SLC24A1: variants seen among roughly 807,000 people sequenced by gnomAD.
SLC24A1 encodes the protein sodium/potassium/calcium exchanger 1.
Under a neutral mutation model 88.1 loss-of-function variants are expected in SLC24A1, and 52 were observed. That is an observed-to-expected ratio of 0.59 (90% CI 0.47 to 0.74). The LOEUF (loss-of-function observed/expected upper bound fraction) is 0.74, where lower values mean the gene tolerates loss of function less well. SLC24A1 is among the 30% of genes least tolerant of loss of function. The probability of loss-of-function intolerance (pLI) is 0.00; values close to 1 mark genes in which losing one functional copy is unlikely to be tolerated. For missense variants in SLC24A1, 1,173 were observed against 1,363.3 expected (o/e 0.86, Z 2.20); for synonymous variants, 455 against 498.0 (o/e 0.91, Z 1.15).
At chr15:65,640,921 C>T (rs564234283) in intron 4 of SLC24A1, among the ~76,000 whole-genome samples, 42 of 152,094 alleles carry the variant, frequency 2.8e-4, no homozygotes, top group Non-Finnish European at 5.3e-4. Context: ...ATTAGCCAGG[C>T]GTGGTGGCAG....
In SLC24A1 at chr15:65,625,281, C is replaced by T. The variant is rs1425125323; in HGVS notation, c.1201C>T (p.Pro401Ser). The T allele has an allele frequency of 6.2e-7, 1 of 1,613,986 alleles. No homozygotes were observed. Residue 401 changes from proline (P) to serine (S), a missense_variant, in exon 2 of 10, where the codon CCA becomes TCA. Coordinates refer to ENST00000261892, the MANE Select transcript of SLC24A1 (RefSeq NM_004727.3). ...TCACTGTGTGGTTGTGAAGCCAACC[C>T]CAGCCATGCTCACCACTCCCTCCCC... ...VHHCVVVKPT[P>S]AMLTTPSPSL...
Position 65,652,704 on chromosome 15 carries a change from A to G in SLC24A1, c.2946A>G (p.Thr982=). The change falls in exon 9 of 10, where the codon ACA becomes ACG. Residue 982 remains threonine, a synonymous_variant. Coordinates refer to ENST00000261892, the MANE Select transcript of SLC24A1 (RefSeq NM_004727.3). ...IMGLTILAAG[T]SIPDLITSVI... is the part of the protein sequence containing the mutation. ...GCCTGACAATCCTTGCAGCAGGCAC[A>G]TCAATTCCTGACCTCATCACCAGTG... 6.2e-7 allele frequency: 1 copy of G among 1,614,000 alleles called. No individual in the cohort carries two copies.
Position 65,624,540 on chromosome 15 carries a change from TA to T in SLC24A1, c.461del (p.Tyr154SerfsTer9). 1 of 1,601,656 alleles carries T rather than the reference TA, an allele frequency of 6.2e-7. No individual in the cohort carries two copies. The highest frequency in any genetic ancestry group is 1.1e-5 in the South Asian group (1 of 89,290). ...AACATCCAGTAGAACACTGACTTAC[TA>T]CACCTCAACTTCAAGCAGACAAATA... ...TPTSSRTLTYYTSTSSRQIVK... is the reference protein window; with the variant it reads ...TPTSSRTLTYXTSTSSRQIVK... On this transcript the variant is annotated frameshift_variant, in exon 2 of 10. Coordinates refer to ENST00000261892, the MANE Select transcript of SLC24A1 (RefSeq NM_004727.3). LOFTEE classifies it high-confidence loss of function.
In SLC24A1 at chr15:65,653,967, A is replaced by G; in HGVS notation, c.3188A>G (p.Lys1063Arg). The change falls in exon 10 of 10, where the codon AAA becomes AGA. Residue 1063 changes from lysine (K) to arginine (R), a missense_variant. Lys to Arg is a conservative substitution (Grantham distance 26). Transcript: ENST00000261892. Reference sequence around the variant, plus strand: ...GTGATCTCTTCAATTGCGTCATGTAAATGGAGAATGAACAAGATCCTGGGC... The same window carrying G: ...GTGATCTCTTCAATTGCGTCATGTAGATGGAGAATGAACAAGATCCTGGGC... ...LFVISSIASC[K>R]WRMNKILGFT... 2 of 1,613,930 alleles carry G rather than the reference A, an allele frequency of 1.2e-6. No homozygotes were observed.
At chr15:65,646,373 G>T (rs1310492940) in intron 6 of SLC24A1, among the ~76,000 whole-genome samples, 1 of 151,972 alleles carries the variant, frequency 6.6e-6, no homozygotes, top group Non-Finnish European at 1.5e-5. Context: ...CACCACGCCC[G>T]GCCGTCTCCA....
At chr15:65,640,592 T>C (rs942131737) in intron 4 of SLC24A1, among the ~76,000 whole-genome samples, 1 of 151,992 alleles carries the variant, frequency 6.6e-6, no homozygotes, top group Admixed American at 6.5e-5. Context: ...TGGACTGCAG[T>C]TGGGCAGGAG....
chr15:65,658,643 A>G (rs2075755390), downstream of SLC24A1, among the ~76,000 whole-genome samples: 1 of 152,224 alleles, frequency 6.6e-6, no homozygotes, highest in Non-Finnish European at 1.5e-5. Context: ...GAAATCCAAA[A>G]TGCTCAAATG....
Position 65,625,436 on chromosome 15 carries a change from G to A in SLC24A1, c.1356G>A (p.Gln452=). Residue 452 remains glutamine (Q), a synonymous_variant, in exon 2 of 10, where the codon CAG becomes CAA. Coordinates refer to ENST00000261892, the MANE Select transcript of SLC24A1 (RefSeq NM_004727.3). ...PDLFSVEERR[Q]GWVVLHVFGM... is the part of the protein sequence containing the mutation. ...TGTTCAGTGTGGAGGAGCGGCGGCA[G>A]GGCTGGGTGGTCCTGCACGTTTTTG... The A allele has an allele frequency of 1.2e-6, 2 of 1,614,050 alleles. No individual in the cohort carries two copies. The highest frequency in any genetic ancestry group is 1.7e-6 in the Non-Finnish European group (2 of 1,179,892).
At chr15:65,647,996 C>G (rs1252439841) in intron 6 of SLC24A1, among the ~76,000 whole-genome samples, 2 of 152,198 alleles carry the variant, frequency 1.3e-5, no homozygotes, top group African/African-American at 4.8e-5. Context: ...TGCGGTGGCT[C>G]ACGCCTGTAA....
rs1457090112 is a variant in SLC24A1, at chr15:65,624,390, C to T, written c.310C>T (p.Leu104=). 6.2e-7 allele frequency: 1 copy of T among 1,613,614 alleles called. No homozygotes were observed. The highest frequency in any genetic ancestry group is 2.2e-5 in the East Asian group (1 of 44,882). ...QASVGSDEAT[L]SMTVENIPSM... ...CTCAGTGGGCAGTGATGAAGCAACACTGAGCATGACAGTGGAGAATATCCC... is the reference window on the plus strand; with the variant it reads ...CTCAGTGGGCAGTGATGAAGCAACATTGAGCATGACAGTGGAGAATATCCC... The change falls in exon 2 of 10, where the codon CTG becomes TTG. Residue 104 remains leucine (L), a synonymous_variant. Coordinates refer to ENST00000261892, the MANE Select transcript of SLC24A1 (RefSeq NM_004727.3).
At chr15:65,628,537 C>G (rs74976533) in intron 2 of SLC24A1, among the ~76,000 whole-genome samples, 6 of 152,208 alleles carry the variant, frequency 3.9e-5, no homozygotes, top group Non-Finnish European at 5.9e-5. Context: ...CTATTCCATA[C>G]ATACATTGTC....
At chr15:65,657,875 A>G (rs896818701), downstream of SLC24A1, among the ~76,000 whole-genome samples, 1 of 152,250 alleles carries the variant, frequency 6.6e-6, no homozygotes, top group Non-Finnish European at 1.5e-5. Flanking sequence ...TGCCTGCACA[A>G]CTAAAGGCAC....
chr15:65,637,491 A>G (rs553299786), intron 2 of SLC24A1, among the ~76,000 whole-genome samples: 8 of 152,350 alleles, frequency 5.3e-5, no homozygotes, highest in Non-Finnish European at 8.8e-5. Flanking sequence ...GGCAGGAGAA[A>G]AAGGCATGAA....
chr15:65,624,581 C>T lies in SLC24A1; in HGVS notation c.501C>T (p.Thr167=). 1 of 1,593,788 alleles carries T rather than the reference C, an allele frequency of 6.3e-7. No homozygotes were observed. The highest frequency in any genetic ancestry group is 8.5e-7 in the Non-Finnish European group (1 of 1,170,134). The part of the protein sequence containing the change: ...TSSRQIVKKY[T]PTPRGEMKSY... ...GCAGACAAATAGTAAAAAAGTATAC[C>T]CCAACACCCAGGGGAGAAATGAAGA... Residue 167 remains threonine (T), a synonymous_variant, in exon 2 of 10, where the codon ACC becomes ACT. Coordinates refer to ENST00000261892, the MANE Select transcript of SLC24A1 (RefSeq NM_004727.3).
chr15:65,623,201 T>TGGC (rs1313169567), intron 1 of SLC24A1, among the ~76,000 whole-genome samples: 3 of 152,212 alleles, frequency 2.0e-5, no homozygotes, highest in Non-Finnish European at 2.9e-5. Context: ...CTTCTGACCT[T>TGGC]TGATCCTCAG....
chr15:65,659,321 G>GTTTTTTTTTTTTTTTTTTTT (rs1491492345), downstream of SLC24A1: 15 of 66,668 alleles, frequency 2.2e-4, 7 homozygotes, highest in Non-Finnish European at 2.7e-4. Flanking sequence ...GATATTTTCT[G>GTTTTTTTTTTTTTTTTTTTT]GTTTTTTTTT....
chr15:65,631,313 C>A (rs1290137377), intron 2 of SLC24A1, among the ~76,000 whole-genome samples: 1 of 152,130 alleles, frequency 6.6e-6, no homozygotes, highest in Non-Finnish European at 1.5e-5. Flanking sequence ...ATGCAACCAA[C>A]AGAATTTTTT....
In SLC24A1 at chr15:65,636,303, A is replaced by T. The variant is rs150393057; in HGVS notation, c.1891-1825A>T. ...GACCCAGTATCTACAAAAAACAAAAAAACGTAGCCAGTCACTCACACCTGT... is the reference window on the plus strand; with the variant it reads ...GACCCAGTATCTACAAAAAACAAAATAACGTAGCCAGTCACTCACACCTGT... On this transcript the variant is annotated intron_variant, in intron 2 of 9. Transcript: ENST00000261892. 8.1e-4 allele frequency among the ~76,000 whole-genome samples: 124 copies of T among 152,276 alleles called. 1 individual carries two copies. Among genetic ancestry groups the T allele is most frequent in the Non-Finnish European group, 1.4e-3 (98 of 68,014 alleles).
At position 65,626,110 on chromosome 15, in the gene SLC24A1, A is replaced by G. The variant is rs528172442; in HGVS notation, c.1890+140A>G. 1.3e-5 allele frequency: 9 copies of G among 704,150 alleles called. No homozygotes were observed. The African/African-American group carries it at 1.4e-4, about 11-fold the overall frequency. The allele number at this position is 704,150 out of a possible 1,614,324, so 43.6% of individuals were successfully genotyped here. ...CCCTTACTATTTATTCAACATTTAT[A>G]GAGTACCTGTTCTCTGCCAGGCACT... On this transcript the variant is annotated intron_variant, in intron 2 of 9. Coordinates refer to ENST00000261892, the MANE Select transcript of SLC24A1 (RefSeq NM_004727.3).
Sources: gnomAD v4.1 joint callset for allele counts (sites outside exome capture counted in the v4.1 genomes callset) on GRCh38, gnomAD v4.1.1 for gene constraint, MANE v1.5 for transcripts, NCBI Gene and HGNC (gene_info 2026-07-23, HGNC 2026-07-21) for gene names.